BCKDHB: variants seen among roughly 807,000 people sequenced by gnomAD.
BCKDHB encodes 2-oxoisovalerate dehydrogenase subunit beta, mitochondrial.
A neutral mutation model predicts 48.5 loss-of-function variants in BCKDHB; 41 were observed. The observed-to-expected ratio is 0.85, with a 90% CI of 0.66 to 1.10. The LOEUF (loss-of-function observed/expected upper bound fraction) is 1.10, where lower values mean the gene tolerates loss of function less well. Among genes scored for constraint, BCKDHB ranks in the 50% least tolerant of loss-of-function variants. The probability of loss-of-function intolerance (pLI) is 0.00; values close to 1 mark genes in which losing one functional copy is unlikely to be tolerated. For missense variants in BCKDHB, 496 were observed against 494.2 expected (o/e 1.00, Z -0.03); for synonymous variants, 201 against 174.8 (o/e 1.15, Z -1.18).
At position 80,167,700 on chromosome 6, in the gene BCKDHB, C is replaced by G. The variant is rs749343269; in HGVS notation, c.366C>G (p.Thr122=). ...AAGGAAAAGATAGAGTTTTTAATAC[C>G]CCATTGTGTGAACAAGGAATTGTTG... is the stretch of plus-strand genomic sequence containing the variant. ...DKYGKDRVFN[T]PLCEQGIVGF... The change falls in exon 4 of 10, where the codon ACC becomes ACG. Residue 122 remains threonine (T), a synonymous_variant. Coordinates refer to ENST00000320393, the MANE Select transcript of BCKDHB (RefSeq NM_183050.4). The G allele has an allele frequency of 6.2e-7, 1 of 1,610,176 alleles. No homozygotes were observed. The highest frequency in any genetic ancestry group is 1.7e-5 in the Admixed American group (1 of 59,946).
chr6:80,175,461 C>G (rs112133899), intron 6 of BCKDHB, among the ~76,000 whole-genome samples: 1 of 152,148 alleles, frequency 6.6e-6, no homozygotes, highest in Non-Finnish European at 1.5e-5. Context: ...CCAAAAGAAG[C>G]TATAAATTTT....
chr6:80,137,909 T>C (rs1347786435), intron 3 of BCKDHB, among the ~76,000 whole-genome samples: 1 of 151,376 alleles, frequency 6.6e-6, no homozygotes, highest in East Asian at 1.9e-4. Flanking sequence ...CATAGCAAGA[T>C]GACCCCACCC....
the BCKDHB span, among the ~76,000 whole-genome samples, chr6:80,412,158 T>TC: frequency 6.6e-6 from 1 of 151,846 alleles, no homozygotes; most frequent in East Asian, 1.9e-4. Context: ...TTTTTTTTTT[T>TC]TTTTTTAGAC....
At chr6:80,325,675 A>C (rs1768996671) in intron 9 of BCKDHB, among the ~76,000 whole-genome samples, 1 of 152,188 alleles carries the variant, frequency 6.6e-6, no homozygotes, top group Non-Finnish European at 1.5e-5. Flanking sequence ...TTAACTAGAC[A>C]ATGAGCAGAA....
chr6:80,232,998 T>C (rs16891556), intron 8 of BCKDHB, among the ~76,000 whole-genome samples: 5,474 of 152,222 alleles, frequency 0.036, 317 homozygotes, highest in African/African-American at 0.12. Context: ...TATATTTTCA[T>C]TTAATGCTTT....
chr6:80,276,129 G>A (rs1210291278), intron 9 of BCKDHB, among the ~76,000 whole-genome samples: 1 of 151,858 alleles, frequency 6.6e-6, no homozygotes, highest in Non-Finnish European at 1.5e-5. Flanking sequence ...GTTATTGTTG[G>A]TTCAACAAAT....
chr6:80,342,626 C>T (rs1278591563), intron 9 of BCKDHB, among the ~76,000 whole-genome samples: 2 of 110,468 alleles, frequency 1.8e-5, no homozygotes, highest in Non-Finnish European at 3.8e-5. Flanking sequence ...AAGAAAAAAA[C>T]GAAAAGAAAA....
intron 1 of BCKDHB, among the ~76,000 whole-genome samples, chr6:80,121,818 C>A (rs1039337966): frequency 5.3e-5 from 8 of 152,274 alleles, no homozygotes; most frequent in Admixed American, 5.2e-4. Context: ...AATTTTACTT[C>A]CTCTTTTCCT....
At chr6:80,246,450 T>A (rs1776618348) in intron 8 of BCKDHB, among the ~76,000 whole-genome samples, 1 of 152,222 alleles carries the variant, frequency 6.6e-6, no homozygotes, top group African/African-American at 2.4e-5. Flanking sequence ...TACTCCTTGC[T>A]GTTTCATTGG....
chr6:80,114,692 T>C (rs1201551438), intron 1 of BCKDHB, among the ~76,000 whole-genome samples: 5 of 152,176 alleles, frequency 3.3e-5, no homozygotes, highest in African/African-American at 1.2e-4. Context: ...TTTGCTAAGA[T>C]GGAAAAGATT....
intron 3 of BCKDHB, among the ~76,000 whole-genome samples, chr6:80,140,854 G>C (rs1771167413): frequency 6.6e-6 from 1 of 152,068 alleles, no homozygotes; most frequent in Non-Finnish European, 1.5e-5. Context: ...TTTTTCTATT[G>C]ATTGGAATAG....
intron 8 of BCKDHB, among the ~76,000 whole-genome samples, chr6:80,207,776 A>G (rs553732540): frequency 1.9e-4 from 29 of 151,838 alleles, no homozygotes; most frequent in Non-Finnish European, 4.4e-5. Context: ...ATTATGCCAA[A>G]GGGACCAGTC....
intron 9 of BCKDHB, among the ~76,000 whole-genome samples, chr6:80,299,645 C>T (rs1283059426): frequency 1.3e-5 from 2 of 152,184 alleles, no homozygotes; most frequent in Non-Finnish European, 2.9e-5. Flanking sequence ...CAAAATCTTC[C>T]TCAGACAAGC....
chr6:80,180,445 A>T (rs1011866184), intron 6 of BCKDHB, among the ~76,000 whole-genome samples: 4 of 152,212 alleles, frequency 2.6e-5, no homozygotes, highest in Non-Finnish European at 5.9e-5. Context: ...ACATATAGGC[A>T]TCTTGTGAAG....
chr6:80,396,995 G>A, the BCKDHB span, among the ~76,000 whole-genome samples: 1 of 152,124 alleles, frequency 6.6e-6, no homozygotes, highest in Non-Finnish European at 1.5e-5. Flanking sequence ...TGTGTATGTT[G>A]TATCCTCTAG....
the BCKDHB span, among the ~76,000 whole-genome samples, chr6:80,372,789 G>T: frequency 6.6e-6 from 1 of 152,038 alleles, no homozygotes; most frequent in Non-Finnish European, 1.5e-5. Flanking sequence ...CTGCATCTCT[G>T]GAATGAAACA....
intron 8 of BCKDHB, among the ~76,000 whole-genome samples, chr6:80,226,382 T>C (rs971228537): frequency 6.6e-6 from 1 of 152,216 alleles, no homozygotes; most frequent in African/African-American, 2.4e-5. Context: ...GGGCGGCGCA[T>C]TGAAACTTCC....
chr6:80,237,400 C>G (rs1028392927), intron 8 of BCKDHB, among the ~76,000 whole-genome samples: 2 of 152,100 alleles, frequency 1.3e-5, no homozygotes, highest in South Asian at 4.1e-4. Context: ...AGAAGGGATT[C>G]TGTTTTATTA....
At chr6:80,270,050 G>C (rs760020108) in intron 8 of BCKDHB, among the ~76,000 whole-genome samples, 9 of 152,074 alleles carry the variant, frequency 5.9e-5, no homozygotes, top group Non-Finnish European at 1.0e-4. Flanking sequence ...GATTTATAAT[G>C]ATCTCATTTT....
Sources: allele counts gnomAD v4.1 joint callset (sites outside exome capture counted in the v4.1 genomes callset), GRCh38; gene constraint gnomAD v4.1.1; transcripts MANE v1.5; gene names NCBI Gene and HGNC (gene_info 2026-07-23, HGNC 2026-07-21).